The following DNAH3 variants were observed in gnomAD, a reference collection of about 807,000 sequenced individuals.
The protein encoded by DNAH3 is dynein axonemal heavy chain 3.
Under a neutral mutation model 432.5 loss-of-function variants are expected in DNAH3, and 332 were observed. The ratio of observed to expected loss-of-function variants is 0.77; its 90% CI spans 0.70 to 0.84. DNAH3 has a LOEUF of 0.84. DNAH3 is among the 40% of genes least tolerant of loss of function. DNAH3 has a pLI of 0.00. For synonymous variants in DNAH3, 1,956 were observed against 1,900.2 expected, an observed-to-expected ratio of 1.03 and a Z score of -0.76; for missense variants, 4,861 against 5,114.0, an observed-to-expected ratio of 0.95 and a Z score of 1.51.
At chr16:21,149,651 T>C (rs2092828835) in intron 1 of DNAH3, among the ~76,000 whole-genome samples, 2 of 152,190 alleles carry the variant, frequency 1.3e-5, no homozygotes, top group African/African-American at 4.8e-5. Context: ...CAAGACTCTA[T>C]GTTTTTAAGA....
chr16:21,042,014 T>A lies in DNAH3; in HGVS notation c.4638+13A>T. The A allele has an allele frequency of 6.2e-7, 1 of 1,613,776 alleles. No individual in the cohort carries two copies. Among genetic ancestry groups the A allele is most frequent in the Non-Finnish European group, 8.5e-7 (1 of 1,179,970 alleles). On this transcript the variant is annotated intron_variant, in intron 32 of 61. Coordinates refer to ENST00000261383, the Ensembl canonical transcript of DNAH3. ...AAAAAGCACACCCCACATGTATATC[T>A]GCTGGCATTTACCTTGAGATTGTCG...
intron 48 of DNAH3, among the ~76,000 whole-genome samples, chr16:20,983,871 G>A (rs1347019690): frequency 1.3e-4 from 19 of 151,634 alleles, no homozygotes; most frequent in African/African-American, 4.4e-4. Context: ...TACAAAAATG[G>A]AAAAAATTAG....
chr16:20,945,212 CT>C (rs1358812083), intron 57 of DNAH3, among the ~76,000 whole-genome samples: 1 of 152,184 alleles, frequency 6.6e-6, no homozygotes, highest in Non-Finnish European at 1.5e-5. Flanking sequence ...GTTGACCTCA[CT>C]GCTCATTACA....
At chr16:21,150,312 T>C (rs181613528) in intron 1 of DNAH3, 1 of 455,940 alleles carries the variant, frequency 2.2e-6, no homozygotes, top group Non-Finnish European at 4.4e-6. Context: ...GCAATCCATG[T>C]CACCCATGGT....
chr16:20,997,364 C>G (rs768371761), exon 44 of DNAH3: 29 of 1,614,190 alleles, frequency 1.8e-5, no homozygotes, highest in Non-Finnish European at 2.4e-5. Context: ...CTGGTTGTGT[C>G]TTTTTTGTCA....
At chr16:21,003,860 A>G (rs1044020857) in intron 41 of DNAH3, among the ~76,000 whole-genome samples, 5 of 152,158 alleles carry the variant, frequency 3.3e-5, no homozygotes, top group Admixed American at 2.0e-4. Flanking sequence ...ATCCAGAGAT[A>G]ACTTTTGATG....
At chr16:20,967,402 C>G (rs1356839139) in intron 52 of DNAH3, among the ~76,000 whole-genome samples, 1 of 149,992 alleles carries the variant, frequency 6.7e-6, no homozygotes, top group East Asian at 2.0e-4. Flanking sequence ...TCAACCCCAG[C>G]TGCAGGGGAG....
chr16:21,006,481 A>G (rs1202836320), intron 41 of DNAH3, among the ~76,000 whole-genome samples: 1 of 152,138 alleles, frequency 6.6e-6, no homozygotes, highest in Non-Finnish European at 1.5e-5. Flanking sequence ...CCATTACCAC[A>G]ATCAACTTTA....
chr16:21,033,292 GAAACT>G (rs1293497168), intron 36 of DNAH3, among the ~76,000 whole-genome samples: 4 of 152,182 alleles, frequency 2.6e-5, no homozygotes, highest in African/African-American at 7.2e-5. Flanking sequence ...ATGCTTTTAT[GAAACT>G]ATAGGTTTGT....
chr16:20,980,987 CTT>C (rs1004589600), intron 49 of DNAH3, among the ~76,000 whole-genome samples: 2 of 152,150 alleles, frequency 1.3e-5, no homozygotes, highest in African/African-American at 4.8e-5. Flanking sequence ...TCCAATAAAA[CTT>C]TATTTACAAA....
intron 48 of DNAH3, among the ~76,000 whole-genome samples, chr16:20,984,678 T>C (rs2086101069): frequency 1.3e-5 from 2 of 152,116 alleles, no homozygotes; most frequent in African/African-American, 4.8e-5. Flanking sequence ...GAGACTAGCC[T>C]GGCCAACATG....
At chr16:21,007,793 G>A (rs1342952087) in intron 41 of DNAH3, among the ~76,000 whole-genome samples, 1 of 152,092 alleles carries the variant, frequency 6.6e-6, no homozygotes, top group African/African-American at 2.4e-5. Flanking sequence ...TCATAAAAAT[G>A]TGCATCTATG....
At chr16:20,947,760 AAAGT>A (rs2084115413) in intron 57 of DNAH3, among the ~76,000 whole-genome samples, 1 of 151,354 alleles carries the variant, frequency 6.6e-6, no homozygotes, top group Non-Finnish European at 1.5e-5. Flanking sequence ...GTCATCAATA[AAAGT>A]AAGTGGTTTT....
intron 41 of DNAH3, among the ~76,000 whole-genome samples, chr16:21,015,762 T>C (rs191107143): frequency 6.6e-6 from 1 of 152,316 alleles, no homozygotes; most frequent in Admixed American, 6.5e-5. Flanking sequence ...TAAAATGCGA[T>C]ATGATTTTCA....
chr16:20,938,669 C>CAAAAA (rs901953556), intron 59 of DNAH3, among the ~76,000 whole-genome samples: 4 of 81,902 alleles, frequency 4.9e-5, no homozygotes, highest in South Asian at 4.2e-4. Context: ...GGTGAAAAGG[C>CAAAAA]AAAAAAAAAA....
chr16:21,038,883 G>A (rs554793101), intron 33 of DNAH3, among the ~76,000 whole-genome samples: 2 of 152,260 alleles, frequency 1.3e-5, no homozygotes, highest in African/African-American at 4.8e-5. Context: ...ATTCTATTGA[G>A]AATTTCTGTA....
exon 24 of DNAH3, chr16:21,067,302 T>C: frequency 6.2e-7 from 1 of 1,614,100 alleles, no homozygotes; most frequent in African/African-American, 1.3e-5. Flanking sequence ...AATAGTCTCT[T>C]CTTCTCCAAG....
rs751957334 is a variant in DNAH3, at chr16:20,987,784, G to A, written c.6791C>T (p.Pro2264Leu). ...GACGTAATGTGACTTCGAGGGAGTT[G>A]GCAAGAAGTTCTCCACTGCATCTCT... Residue 2264 changes from proline to leucine, a missense_variant, in exon 46 of 62, where the codon CCA becomes CTA. Transcript: ENST00000261383. The A allele has an allele frequency of 7.5e-5, 121 of 1,614,106 alleles. No homozygotes were observed. The highest frequency in any genetic ancestry group is 1.0e-4 in the Non-Finnish European group (119 of 1,180,024).
chr16:21,104,332 C>T, intron 16 of DNAH3, 139 bp downstream of exon 16: 1 of 723,584 alleles, frequency 1.4e-6, no homozygotes, highest in East Asian at 2.5e-5. Flanking sequence ...GAAATGCCTT[C>T]TCCACCAATT....
Sources: gnomAD v4.1 joint callset for allele counts (sites outside exome capture counted in the v4.1 genomes callset) on GRCh38, gnomAD v4.1.1 for gene constraint, MANE v1.5 for transcripts, NCBI Gene and HGNC (gene_info 2026-07-23, HGNC 2026-07-21) for gene names.